The following CDK2AP1 variants were observed in gnomAD, a reference collection of about 807,000 sequenced individuals.
CDK2AP1 encodes the protein cyclin-dependent kinase 2-associated protein 1.
CDK2AP1 carries 10 observed loss-of-function variants against 14.1 expected under a neutral mutation model. The observed-to-expected ratio is 0.71, with a 90% CI of 0.44 to 1.20. The LOEUF (loss-of-function observed/expected upper bound fraction) is 1.20, where lower values mean the gene tolerates loss of function less well. Ranked by LOEUF, CDK2AP1 falls within the 50% of genes most tolerant of loss-of-function variation. The probability of loss-of-function intolerance (pLI) is 0.00; values close to 1 mark genes in which losing one functional copy is unlikely to be tolerated. For missense variants in CDK2AP1, 102 were observed against 149.9 expected (o/e 0.68, Z 1.67); for synonymous variants, 59 against 59.8 (o/e 0.99, Z 0.06).
intron 3 of CDK2AP1, among the ~76,000 whole-genome samples, chr12:123,263,252 C>T (rs974719479): frequency 6.6e-5 from 10 of 151,634 alleles, no homozygotes; most frequent in African/African-American, 2.4e-4. Flanking sequence ...ATTCTTGGCT[C>T]CTGGCTCTTG....
At chr12:123,268,259 G>T (rs760290183) in intron 1 of CDK2AP1, 130 of 985,218 alleles carry the variant, frequency 1.3e-4, no homozygotes, top group Non-Finnish European at 1.5e-4. Context: ...ACTTGGCCTC[G>T]GGGACAGACA....
At chr12:123,267,330 C>T (rs1316549129) in intron 1 of CDK2AP1, 48 bp from the exon 2 acceptor site, 1 of 1,203,412 alleles carries the variant, frequency 8.3e-7, no homozygotes, top group Non-Finnish European at 1.2e-6. Context: ...GCCAGTTGTA[C>T]CAAGGCAAGG....
chr12:123,272,092 G>C (rs2048359837), upstream of CDK2AP1: 1 of 151,374 alleles, frequency 6.6e-6, no homozygotes, highest in Admixed American at 6.6e-5. Context: ...CGGGAGGCCA[G>C]GGCGAACCGG....
At chr12:123,270,828 C>A (rs1034009546) in intron 1 of CDK2AP1, 2 of 985,456 alleles carry the variant, frequency 2.0e-6, no homozygotes, top group Non-Finnish European at 2.4e-6. Flanking sequence ...TGCCCCCACG[C>A]CCGCGCGCGG....
chr12:123,271,500 G>A, intron 1 of CDK2AP1, 64 bp downstream of exon 1: 1 of 941,444 alleles, frequency 1.1e-6, no homozygotes, highest in Non-Finnish European at 1.3e-6. Flanking sequence ...TCCCCGGGCC[G>A]GGGCCGGGCG....
intron 2 of CDK2AP1, 85 bp downstream of exon 2, chr12:123,267,100 C>G: frequency 1.2e-6 from 1 of 867,948 alleles, no homozygotes; most frequent in Non-Finnish European, 2.0e-6. Context: ...GCTCCTTCGT[C>G]TCTTCCACCA....
intron 3 of CDK2AP1, 48 bp from the exon 4 acceptor site, chr12:123,261,851 C>CA (rs1566002009): frequency 7.9e-7 from 1 of 1,266,366 alleles, no homozygotes; most frequent in East Asian, 2.3e-5. Flanking sequence ...CAGGACCAGC[C>CA]AGCAAAGCCC....
intron 1 of CDK2AP1, among the ~76,000 whole-genome samples, chr12:123,269,859 G>A (rs545725686): frequency 7.2e-4 from 110 of 152,284 alleles, no homozygotes; most frequent in Non-Finnish European, 1.1e-3. Flanking sequence ...TGGCAGGAGG[G>A]GAGCTGGGGT....
intron 3 of CDK2AP1, among the ~76,000 whole-genome samples, chr12:123,263,834 G>A (rs1465349375): frequency 1.3e-5 from 2 of 152,110 alleles, no homozygotes; most frequent in Non-Finnish European, 2.9e-5. Context: ...GCCGGGCACG[G>A]TGGCTCAACG....
Position 123,265,883 on chromosome 12 carries a change from C to T in CDK2AP1, c.154-561G>A, listed in dbSNP as rs2048285367. Among the ~76,000 whole-genome samples the T allele has an allele frequency of 6.6e-6, 1 of 152,154 alleles. No individual in the cohort carries two copies. Among genetic ancestry groups the T allele is most frequent in the Non-Finnish European group, 1.5e-5 (1 of 68,016 alleles). ...TCCAAGCCAGTGGGGAGACAAGAGG[C>T]CACACCTGGGCCACCAGGACCACAG... On this transcript the variant is annotated intron_variant, in intron 2 of 3. Transcript: ENST00000261692. This position sits in a 1 kb window ranked among gnomAD's most constrained non-coding sequence, Gnocchi z 5.3.
intron 2 of CDK2AP1, among the ~76,000 whole-genome samples, chr12:123,266,179 C>T (rs1043745019): frequency 6.6e-6 from 1 of 152,236 alleles, no homozygotes; most frequent in African/African-American, 2.4e-5. Context: ...CGCCTCTGTC[C>T]CCTGGCCTCG....
intron 1 of CDK2AP1, chr12:123,267,524 C>T (rs1390637131): frequency 4.3e-6 from 2 of 462,570 alleles, no homozygotes; most frequent in Non-Finnish European, 8.0e-6. Flanking sequence ...CCATCCCATC[C>T]AACCAGAACC....
intron 1 of CDK2AP1, among the ~76,000 whole-genome samples, chr12:123,269,607 AC>A (rs1170051525): frequency 6.7e-6 from 1 of 148,322 alleles, no homozygotes; most frequent in Non-Finnish European, 1.5e-5. Context: ...GCGGCTCCCC[AC>A]CCCCACGCCA....
In CDK2AP1 at chr12:123,271,742, G is replaced by T. The variant is rs1026440856; in HGVS notation, c.-124C>A. 4.8e-6 allele frequency: 1 copy of T among 207,160 alleles called. No individual in the cohort carries two copies. The highest frequency in any genetic ancestry group is 2.4e-5 in the African/African-American group (1 of 41,898). 12.8% of individuals were successfully genotyped at this position (207,160 alleles called of 1,614,324 possible). ...GTCCGAGCGCCCGCCGAGCGCCCGC[G>T]CACTTTTTGTTGTCGGCGGCTCGGG... On this transcript the variant is annotated 5_prime_UTR_variant, in exon 1 of 4. Coordinates refer to ENST00000261692, the MANE Select transcript of CDK2AP1 (RefSeq NM_004642.4).
Position 123,265,578 on chromosome 12 carries a change from C to T in CDK2AP1, c.154-256G>A, listed in dbSNP as rs879766883. Among the ~76,000 whole-genome samples the T allele has an allele frequency of 3.9e-5, 6 of 151,902 alleles. No individual in the cohort carries two copies. Among genetic ancestry groups the T allele is most frequent in the Non-Finnish European group, 8.8e-5 (6 of 67,968 alleles). ...CAGGTGGGTGGAGAGGGCCCCGGGCCGGTCAGGATAGGGAACGCAGCCCAG... is the reference window on the plus strand; with the variant it reads ...CAGGTGGGTGGAGAGGGCCCCGGGCTGGTCAGGATAGGGAACGCAGCCCAG... On this transcript the variant is annotated intron_variant, in intron 2 of 3. Transcript: ENST00000261692. This position sits in a 1 kb window ranked among gnomAD's most constrained non-coding sequence, Gnocchi z 5.3.
At position 123,267,170 on chromosome 12, in the gene CDK2AP1, C is replaced by A. The variant is rs75161882; in HGVS notation, c.153+15G>T. On this transcript the variant is annotated intron_variant, in intron 2 of 3. Transcript: ENST00000261692. Reference sequence around the variant, plus strand: ...CCCTGGCCCTCCCACCATGCCATCACCCCCATTGACATACCTGGGTGTAGC... The same window carrying A: ...CCCTGGCCCTCCCACCATGCCATCAACCCCATTGACATACCTGGGTGTAGC... 3 of 1,457,910 alleles carry A rather than the reference C, an allele frequency of 2.1e-6. No individual in the cohort carries two copies. The highest frequency in any genetic ancestry group is 1.9e-6 in the Non-Finnish European group (2 of 1,037,592). The allele number at this position is 1,457,910 out of a possible 1,614,324, so 90.3% of individuals were successfully genotyped here. A position where few individuals can be genotyped will look rare whatever the true frequency, so the allele number is the denominator to read the frequency against.
intron 3 of CDK2AP1, among the ~76,000 whole-genome samples, chr12:123,264,720 G>A (rs1393227909): frequency 6.6e-6 from 1 of 152,018 alleles, no homozygotes; most frequent in African/African-American, 2.4e-5. Context: ...AAAGAACAAA[G>A]TGCTCTCAGC....
intron 3 of CDK2AP1, among the ~76,000 whole-genome samples, chr12:123,264,459 TCC>T (rs2048266884): frequency 4.8e-5 from 1 of 20,708 alleles, no homozygotes; most frequent in African/African-American, 2.4e-4. Flanking sequence ...AAACTCCGTC[TCC>T]CAAAAAAAAA....
At chr12:123,268,098 G>A (rs1230995717) in intron 1 of CDK2AP1, 13 of 781,570 alleles carry the variant, frequency 1.7e-5, no homozygotes, top group African/African-American at 9.4e-5. Flanking sequence ...CCGCAATGGC[G>A]TCCCAGTGGC....
Sources: allele counts gnomAD v4.1 joint callset (sites outside exome capture counted in the v4.1 genomes callset), GRCh38; gene constraint gnomAD v4.1.1; non-coding constraint Gnocchi (gnomAD v3.1); transcripts MANE v1.5; gene names NCBI Gene and HGNC (gene_info 2026-07-23, HGNC 2026-07-21).